The following CNOT6 variants were observed in gnomAD, a reference collection of about 807,000 sequenced individuals.
CNOT6 encodes CCR4-NOT transcription complex subunit 6, also known as carbon catabolite repression 4 protein.
In CNOT6, 12 loss-of-function variants were observed where a neutral mutation model predicts 61.2. That is an observed-to-expected ratio of 0.20 (90% CI 0.13 to 0.32). The LOEUF (loss-of-function observed/expected upper bound fraction) is 0.32. Ranked by LOEUF, CNOT6 falls within the 10% of genes least tolerant of loss-of-function variation. The probability of loss-of-function intolerance (pLI) is 1.00; values close to 1 mark genes in which losing one functional copy is unlikely to be tolerated. For missense variants in CNOT6, 405 were observed against 663.9 expected, an observed-to-expected ratio of 0.61 and a Z score of 4.28; for synonymous variants, 225 against 240.6, an observed-to-expected ratio of 0.94 and a Z score of 0.60.
At position 180,564,736 on chromosome 5, in the gene CNOT6, G is replaced by A. The variant is rs1477128257; in HGVS notation, c.552G>A (p.Arg184=). 1.9e-6 allele frequency: 3 copies of A among 1,612,452 alleles called. No homozygotes were observed. The African/African-American group carries it at 4.0e-5, about 21-fold the overall frequency. Residue 184 remains arginine (R), a synonymous_variant, in exon 6 of 12, where the codon AGG becomes AGA. Coordinates refer to ENST00000261951, the MANE Select transcript of CNOT6 (RefSeq NM_001370472.1). ...WIMLQEPDRT[R]PTALFSVMCY... ...TGTTACAAGAACCAGATAGGACAAG[G>A]CCAACTGGTTGGTAGTCTTTTATTT...
At chr5:180,494,818 G>T (rs1756513547) in intron 1 of CNOT6, 55 bp downstream of exon 1, 1 of 151,984 alleles carries the variant, frequency 6.6e-6, no homozygotes. Context: ...CTCCGGCCGC[G>T]CACGGACCGC....
chr5:180,568,844 G>A (rs6601129), intron 9 of CNOT6, among the ~76,000 whole-genome samples: 70,739 of 152,002 alleles, frequency 0.47, 17,494 homozygotes, highest in Non-Finnish European at 0.56. Flanking sequence ...AAAAGTTTCA[G>A]GGAGACAGAA....
At position 180,574,382 on chromosome 5, in the gene CNOT6, C is replaced by CTTG; in HGVS notation, c.*182_*183insTTG. The CTTG allele has an allele frequency of 1.6e-6, 1 of 612,530 alleles. No homozygotes were observed. Among genetic ancestry groups the CTTG allele is most frequent in the Non-Finnish European group, 2.9e-6 (1 of 344,944 alleles). The allele number at this position is 612,530 out of a possible 1,614,324, so 37.9% of individuals were successfully genotyped here. On this transcript the variant is annotated 3_prime_UTR_variant, in exon 12 of 12. Coordinates refer to ENST00000261951, the MANE Select transcript of CNOT6 (RefSeq NM_001370472.1). ...TGCTAGCAACAGACAAATTCTGAGCCCAATATGCTTTATACTGCTAGACAG... is the reference window on the plus strand; with the variant it reads ...TGCTAGCAACAGACAAATTCTGAGCCTTGCAATATGCTTTATACTGCTAGACAG...
intron 3 of CNOT6, among the ~76,000 whole-genome samples, chr5:180,550,589 TAATA>T (rs943692960): frequency 3.3e-5 from 5 of 152,238 alleles, no homozygotes; most frequent in South Asian, 4.1e-4. Context: ...TGTCAGCTAA[TAATA>T]AATTAAGTAG....
At chr5:180,544,472 G>T (rs1390167905) in intron 2 of CNOT6, among the ~76,000 whole-genome samples, 3 of 152,148 alleles carry the variant, frequency 2.0e-5, no homozygotes, top group Non-Finnish European at 4.4e-5. Flanking sequence ...TCGTGTGTGT[G>T]TATGGTAGGC....
intron 4 of CNOT6, among the ~76,000 whole-genome samples, chr5:180,554,442 ACT>A (rs1759776384): frequency 6.6e-6 from 1 of 150,998 alleles, no homozygotes; most frequent in Non-Finnish European, 1.5e-5. Context: ...AAGGAATTGC[ACT>A]CTTAGTTTCT....
Position 180,553,487 on chromosome 5 carries a change from T to C in CNOT6, c.385+16T>C. ...GGCCTGAAAGGTATGACTTCCATAT[T>C]TGTACTTCTTATGGTTTGTGTATAT... On this transcript the variant is annotated intron_variant, in intron 4 of 11. Coordinates refer to ENST00000261951, the MANE Select transcript of CNOT6 (RefSeq NM_001370472.1). 6.3e-7 allele frequency: 1 copy of C among 1,579,108 alleles called. No homozygotes were observed. The highest frequency in any genetic ancestry group is 8.7e-7 in the Non-Finnish European group (1 of 1,149,016).
At chr5:180,529,082 G>A (rs139074318) in intron 1 of CNOT6, among the ~76,000 whole-genome samples, 193 bp from the exon 2 acceptor site, 2,864 of 151,808 alleles carry the variant, frequency 0.019, 37 homozygotes, top group Non-Finnish European at 0.027. Flanking sequence ...GGTGGTGCAC[G>A]CCTATAGTCC....
chr5:180,550,025 C>G lies in CNOT6; in HGVS notation c.207C>G (p.Asp69Glu), dbSNP rs1338496972. 1 of 1,614,054 alleles carries G rather than the reference C, an allele frequency of 6.2e-7. No individual in the cohort carries two copies. The highest frequency in any genetic ancestry group is 1.7e-5 in the Admixed American group (1 of 60,010). ...SDNSLSRIPSDIAKLHNLVYL... is the reference protein window; with the variant it reads ...SDNSLSRIPSEIAKLHNLVYL... ...ATTCCCTGTCCCGAATTCCTTCAGA[C>G]ATTGCCAAGCTTCACAATCTGGTGT... The change falls in exon 3 of 12, where the codon GAC becomes GAG. Residue 69 changes from aspartate (D) to glutamate (E), a missense_variant. Physicochemically the swap from Asp to Glu is conservative, Grantham distance 45 (BLOSUM62 2). This residue lies in a region of CNOT6 where 212 missense variants were observed against 307.1 expected (regional missense o/e 0.69). Transcript: ENST00000261951.
At chr5:180,509,763 C>T (rs1405540355) in intron 1 of CNOT6, among the ~76,000 whole-genome samples, 1 of 150,920 alleles carries the variant, frequency 6.6e-6, no homozygotes, top group Non-Finnish European at 1.5e-5. Context: ...GCTGCCCAGT[C>T]TGGAACTCCT....
chr5:180,568,493 A>G lies in CNOT6; in HGVS notation c.1027+490A>G, dbSNP rs185873335. 9.9e-5 allele frequency among the ~76,000 whole-genome samples: 15 copies of G among 152,004 alleles called. No individual in the cohort carries two copies. The East Asian group carries it at 2.9e-3, about 29-fold the overall frequency. ...CTTGAACCTGGGAGGCAGAGGTTGC[A>G]GTGAGCCAAGATTGTCACACTGCAC... is the stretch of plus-strand genomic sequence containing the variant. On this transcript the variant is annotated intron_variant, in intron 9 of 11. Transcript: ENST00000261951.
rs1386620909 is a variant in CNOT6, at chr5:180,577,373, A to G, written c.*3173A>G. On this transcript the variant is annotated 3_prime_UTR_variant, in exon 12 of 12. Coordinates refer to ENST00000261951, the MANE Select transcript of CNOT6 (RefSeq NM_001370472.1). ...TTCAAGTTTTAGAGTTTCACTTTGTACTATTTAAATTTATGGAACTAGTTT... is the reference window on the plus strand; with the variant it reads ...TTCAAGTTTTAGAGTTTCACTTTGTGCTATTTAAATTTATGGAACTAGTTT... 2.0e-5 allele frequency: 3 copies of G among 152,592 alleles called. No homozygotes were observed. The highest frequency in any genetic ancestry group is 7.2e-5 in the African/African-American group (3 of 41,432). The allele number at this position is 152,592 out of a possible 1,614,324, so 9.5% of individuals were successfully genotyped here.
chr5:180,497,696 TAC>T (rs1756677866), intron 1 of CNOT6, among the ~76,000 whole-genome samples: 1 of 152,208 alleles, frequency 6.6e-6, no homozygotes, highest in Non-Finnish European at 1.5e-5. Flanking sequence ...CCATTACTCA[TAC>T]AGTCATTTTA....
At chr5:180,512,935 G>A (rs529607375) in intron 1 of CNOT6, among the ~76,000 whole-genome samples, 2 of 150,008 alleles carry the variant, frequency 1.3e-5, no homozygotes, top group South Asian at 2.1e-4. Context: ...TTGCTCTGTC[G>A]CCCAGGCTGG....
At chr5:180,551,245 T>C (rs1291163784) in intron 3 of CNOT6, among the ~76,000 whole-genome samples, 1 of 151,712 alleles carries the variant, frequency 6.6e-6, no homozygotes, top group Non-Finnish European at 1.5e-5. Context: ...TAGTCCCTGC[T>C]ACTTGGGAGG....
intron 2 of CNOT6, among the ~76,000 whole-genome samples, chr5:180,535,995 T>G (rs984624371): frequency 4.1e-5 from 2 of 48,586 alleles, no homozygotes; most frequent in Non-Finnish European, 1.2e-4. Flanking sequence ...AGGGTTTTTT[T>G]TTTTTTTTTT....
At chr5:180,566,417 A>G (rs1219459844) in intron 7 of CNOT6, among the ~76,000 whole-genome samples, 1 of 152,120 alleles carries the variant, frequency 6.6e-6, no homozygotes, top group Non-Finnish European at 1.5e-5. Context: ...TGAACATGTT[A>G]CTTTCTGCCC....
In CNOT6 at chr5:180,577,177, G is replaced by GTGTT. The variant is rs1561672381; in HGVS notation, c.*2980_*2981insTTGT. On this transcript the variant is annotated 3_prime_UTR_variant, in exon 12 of 12. Coordinates refer to ENST00000261951, the MANE Select transcript of CNOT6 (RefSeq NM_001370472.1). ...CATCTCCAGAAATGTGTGTGTGTGT[G>GTGTT]TGTGTGTGTGTGTGTGTGTTTAATA... 2 of 151,688 alleles carry GTGTT rather than the reference G, an allele frequency of 1.3e-5. No individual in the cohort carries two copies. Among genetic ancestry groups the GTGTT allele is most frequent in the East Asian group, 1.9e-4 (1 of 5,192 alleles). 9.4% of individuals were successfully genotyped at this position (151,688 alleles called of 1,614,324 possible).
intron 1 of CNOT6, among the ~76,000 whole-genome samples, chr5:180,525,505 C>G (rs1268581762): frequency 6.6e-6 from 1 of 150,804 alleles, no homozygotes; most frequent in Non-Finnish European, 1.5e-5. Context: ...CACCATCGCA[C>G]TCCAGCCTGG....
Sources: gnomAD v4.1 joint callset for allele counts (sites outside exome capture counted in the v4.1 genomes callset) on GRCh38, gnomAD v4.1.1 for gene constraint, gnomAD v4.1.1 regional missense constraint, MANE v1.5 for transcripts, NCBI Gene and HGNC (gene_info 2026-07-23, HGNC 2026-07-21) for gene names.